The following PAH variants were observed in gnomAD, a reference collection of about 807,000 sequenced individuals.
PAH encodes phenylalanine-4-hydroxylase.
In PAH, 64 loss-of-function variants were observed where a neutral mutation model predicts 62.0. That is an observed-to-expected ratio of 1.03 (90% CI 0.84 to 1.27). The LOEUF is 1.27. Ranked by LOEUF, PAH falls within the 50% of genes most tolerant of loss-of-function variation. The pLI, the probability that PAH is intolerant of heterozygous loss-of-function variation, is 0.00. For missense variants in PAH, 579 were observed against 542.8 expected, an observed-to-expected ratio of 1.07 and a Z score of -0.66; for synonymous variants, 195 against 196.2, an observed-to-expected ratio of 0.99 and a Z score of 0.05.
chr12:102,932,828 G>T (rs114766368), intron 1 of PAH, among the ~76,000 whole-genome samples: 1 of 152,088 alleles, frequency 6.6e-6, no homozygotes, highest in African/African-American at 2.4e-5. Context: ...TTTAGTTGTT[G>T]TGAGTATGTA....
At chr12:102,840,604 T>C in intron 11 of PAH, 89 bp from the exon 12 acceptor site, 1 of 913,820 alleles carries the variant, frequency 1.1e-6, no homozygotes, top group East Asian at 2.4e-5. Context: ...TACTTCTTTT[T>C]TAGGAACACG....
intron 1 of PAH, among the ~76,000 whole-genome samples, chr12:102,936,504 T>G (rs907480033): frequency 6.6e-6 from 1 of 152,212 alleles, no homozygotes; most frequent in African/African-American, 2.4e-5. Flanking sequence ...TATTATTGTA[T>G]GGGAATCTAC....
chr12:102,901,132 G>C (rs535194419), intron 2 of PAH, among the ~76,000 whole-genome samples: 2 of 152,272 alleles, frequency 1.3e-5, no homozygotes, highest in African/African-American at 2.4e-5. Context: ...TAAAACTATA[G>C]AAACAGAGTT....
At chr12:102,888,779 C>A (rs1877142003) in intron 3 of PAH, among the ~76,000 whole-genome samples, 1 of 151,862 alleles carries the variant, frequency 6.6e-6, no homozygotes, top group African/African-American at 2.4e-5. Flanking sequence ...GGACTTAGTG[C>A]TACATCAGTG....
intron 1 of PAH, among the ~76,000 whole-genome samples, chr12:102,931,889 T>C (rs544912364): frequency 6.7e-4 from 102 of 152,274 alleles, no homozygotes; most frequent in African/African-American, 2.3e-3. Context: ...TGAGCTCCTA[T>C]CATGTGGCAG....
chr12:102,858,311 C>T (rs2136653375), intron 5 of PAH, among the ~76,000 whole-genome samples: 1 of 152,272 alleles, frequency 6.6e-6, no homozygotes, highest in Middle Eastern at 3.4e-3. Context: ...TACAGGAGCA[C>T]CCAGATTCAT....
rs199475599 is a variant in PAH at position 102,877,467 on chromosome 12, G to A, written c.436C>T (p.His146Tyr). ...LSYGAELDAD[H>Y]PGFKDPVYRA... is the part of the protein sequence containing the mutation. ...CCTACGGGCCATGGACTCACAGGGT[G>A]GTCAGCATCCAGTTCCGCTCCATAG... Residue 146 changes from histidine to tyrosine, a missense_variant, in exon 4 of 13, where the codon CAC (histidine) becomes TAC (tyrosine). By Grantham distance (83) the His-to-Tyr change is moderately conservative. Coordinates refer to ENST00000553106, the MANE Select transcript of PAH (RefSeq NM_000277.3). The A allele has an allele frequency of 6.2e-7, 1 of 1,612,198 alleles. No individual in the cohort carries two copies. Among genetic ancestry groups the A allele is most frequent in the Non-Finnish European group, 8.5e-7 (1 of 1,178,292 alleles).
chr12:102,927,145 A>T (rs745696864), intron 1 of PAH, among the ~76,000 whole-genome samples: 2 of 152,116 alleles, frequency 1.3e-5, no homozygotes, highest in African/African-American at 2.4e-5. Context: ...AGGGACATCA[A>T]ATCCAAAGTT....
In PAH at chr12:102,872,892, C is replaced by T. The variant is rs146667719; in HGVS notation, c.441+4570G>A. Among the ~76,000 whole-genome samples the T allele has an allele frequency of 5.5e-3, 842 of 152,266 alleles. 4 individuals are homozygous for T. The highest frequency in any genetic ancestry group is 9.9e-3 in the Non-Finnish European group (676 of 68,012). On this transcript the variant is annotated intron_variant, in intron 4 of 12. Coordinates refer to ENST00000553106, the MANE Select transcript of PAH (RefSeq NM_000277.3). ...CTGAGGCAGGAGAATCACTTGAACC[C>T]AGGAGGTGGAGGTTGCAGTGAGCTG... is the stretch of plus-strand genomic sequence containing the variant.
At chr12:102,955,975 C>G (rs147477775) in intron 1 of PAH, among the ~76,000 whole-genome samples, 3 of 152,258 alleles carry the variant, frequency 2.0e-5, no homozygotes, top group African/African-American at 7.2e-5. Context: ...AGAGGTGATT[C>G]ACTTCGGGAG....
chr12:102,919,574 T>C (rs1356498613), upstream of PAH, among the ~76,000 whole-genome samples: 1 of 152,088 alleles, frequency 6.6e-6, no homozygotes, highest in African/African-American at 2.4e-5. Flanking sequence ...CTATTAACCA[T>C]CTCCACCTCC....
Position 102,852,875 on chromosome 12 carries a change from C to G in PAH, c.782G>C (p.Arg261Pro), listed in dbSNP as rs5030849. 3 of 1,614,000 alleles carry G rather than the reference C, an allele frequency of 1.9e-6. No homozygotes were observed. Among genetic ancestry groups the G allele is most frequent in the Non-Finnish European group, 2.5e-6 (3 of 1,179,992 alleles). The change falls in exon 7 of 13, where the codon CGA (arginine) becomes CCA (proline). Residue 261 changes from arginine to proline, a missense_variant. Physicochemically the swap from Arg to Pro is moderately radical, Grantham distance 103 (BLOSUM62 -2). Coordinates refer to ENST00000553106, the MANE Select transcript of PAH (RefSeq NM_000277.3). ...GATGTACTGTGTGCAGTGGAAGACTCGGAAGGCCAGGCCACCCAAGAAATC... is the reference window on the plus strand; with the variant it reads ...GATGTACTGTGTGCAGTGGAAGACTGGGAAGGCCAGGCCACCCAAGAAATC... ...SRDFLGGLAF[R>P]VFHCTQYIRH...
chr12:102,923,163 C>A (rs1262810397), intron 1 of PAH, among the ~76,000 whole-genome samples: 3 of 152,248 alleles, frequency 2.0e-5, no homozygotes, highest in East Asian at 1.9e-4. Context: ...GCAAAAAGAT[C>A]ATCAGTATCA....
chr12:102,859,867 A>G (rs1306442908), intron 5 of PAH, among the ~76,000 whole-genome samples: 3 of 152,232 alleles, frequency 2.0e-5, no homozygotes, highest in Non-Finnish European at 4.4e-5. Flanking sequence ...AGCCAATATC[A>G]TACTGAATGG....
At position 102,866,665 on chromosome 12, in the gene PAH, T is replaced by G. The variant is rs281865448; in HGVS notation, c.442-2A>C. 1 of 1,613,130 alleles carries G rather than the reference T, an allele frequency of 6.2e-7. No homozygotes were observed. The highest frequency in any genetic ancestry group is 8.5e-7 in the Non-Finnish European group (1 of 1,179,134). ...ACGGTACACAGGATCTTTAAAACCCTAGGAGAAAAGAGACACCTGATTTTT... is the reference window on the plus strand; with the variant it reads ...ACGGTACACAGGATCTTTAAAACCCGAGGAGAAAAGAGACACCTGATTTTT... On this transcript the variant is annotated splice_acceptor_variant, in intron 4 of 12. Transcript: ENST00000553106. LOFTEE classifies it high-confidence loss of function.
rs772918939 is a variant in PAH at position 102,843,764 on chromosome 12, T to A, written c.1081A>T (p.Lys361Ter). The A allele has an allele frequency of 1.2e-6, 2 of 1,613,716 alleles. No individual in the cohort carries two copies. Among genetic ancestry groups the A allele is most frequent in the South Asian group, 2.2e-5 (2 of 91,094 alleles). The change falls in exon 11 of 13, where the codon AAG becomes TAG. Residue 361 changes from lysine (K) to a stop codon, truncating the protein, a stop_gained. Transcript: ENST00000553106. LOFTEE classifies it high-confidence loss of function. ...FGELQYCLSE[K>*]PKLLPLELEK... Reference sequence around the variant, plus strand: ...AGCTCCAGGGGGAGAAGCTTTGGCTTCTCTGATAAGCAGTACTGTAGGCCC... The same window carrying A: ...AGCTCCAGGGGGAGAAGCTTTGGCTACTCTGATAAGCAGTACTGTAGGCCC...
upstream of PAH, among the ~76,000 whole-genome samples, chr12:102,922,172 C>CTATA (rs1041462042): frequency 2.7e-5 from 4 of 148,460 alleles, no homozygotes; most frequent in African/African-American, 1.0e-4. Context: ...TAGTAGCATA[C>CTATA]TATACATGAT....
At chr12:102,939,673 G>A (rs1260848293) in intron 1 of PAH, among the ~76,000 whole-genome samples, 3 of 152,160 alleles carry the variant, frequency 2.0e-5, no homozygotes, top group South Asian at 2.1e-4. Flanking sequence ...AACCATGCAG[G>A]GCCCCCAGTT....
At chr12:102,882,638 T>A (rs1174689990) in intron 3 of PAH, among the ~76,000 whole-genome samples, 1 of 115,494 alleles carries the variant, frequency 8.7e-6, no homozygotes, top group African/African-American at 3.4e-5. Flanking sequence ...TGCATATATA[T>A]ACACTATATA....
Sources: allele counts gnomAD v4.1 joint callset (sites outside exome capture counted in the v4.1 genomes callset), GRCh38; gene constraint gnomAD v4.1.1; transcripts MANE v1.5; gene names NCBI Gene and HGNC (gene_info 2026-07-23, HGNC 2026-07-21).